STK32B: variants seen among roughly 807,000 people sequenced by gnomAD.
The protein encoded by STK32B is serine/threonine kinase 32B, also known as serine/threonine-protein kinase 32B.
A neutral mutation model predicts 52.6 loss-of-function variants in STK32B; 43 were observed. The observed-to-expected ratio is 0.82, with a 90% confidence interval of 0.64 to 1.05. The LOEUF is 1.05. Ranked by LOEUF, STK32B falls within the 50% of genes least tolerant of loss-of-function variation. STK32B has a pLI of 0.00. For missense variants in STK32B, 621 were observed against 534.6 expected, an observed-to-expected ratio of 1.16 and a Z score of -1.59; for synonymous variants, 238 against 204.3, an observed-to-expected ratio of 1.17 and a Z score of -1.41.
intron 3 of STK32B, among the ~76,000 whole-genome samples, chr4:5,183,608 G>C (rs1720520195): frequency 6.6e-6 from 1 of 152,186 alleles, no homozygotes; most frequent in African/African-American, 2.4e-5. Context: ...CCAGTGAGTG[G>C]AGCATTCAGA....
chr4:5,293,940 T>C (rs2108886961), intron 3 of STK32B, among the ~76,000 whole-genome samples: 1 of 152,326 alleles, frequency 6.6e-6, no homozygotes, highest in Non-Finnish European at 1.5e-5. Context: ...TTTAAGTCTT[T>C]AATCCATCTT....
chr4:5,230,501 T>G (rs1169743291), intron 3 of STK32B, among the ~76,000 whole-genome samples: 3 of 152,104 alleles, frequency 2.0e-5, no homozygotes, highest in Non-Finnish European at 4.4e-5. Context: ...CATTCCACTT[T>G]TACAAGACAT....
chr4:5,143,916 G>T (rs1716704502), intron 2 of STK32B, among the ~76,000 whole-genome samples: 1 of 152,144 alleles, frequency 6.6e-6, no homozygotes, highest in African/African-American at 2.4e-5. Context: ...CACCAGCCAG[G>T]ATGTTGTGAT....
intron 2 of STK32B, among the ~76,000 whole-genome samples, chr4:5,164,306 C>G (rs540693627): frequency 6.6e-6 from 1 of 152,166 alleles, no homozygotes; most frequent in East Asian, 1.9e-4. Context: ...CTTGTAGATT[C>G]ATCACTCCAA....
chr4:5,306,135 C>A (rs1057311450), intron 3 of STK32B, among the ~76,000 whole-genome samples: 26 of 152,178 alleles, frequency 1.7e-4, no homozygotes, highest in African/African-American at 2.6e-4. Context: ...TGTGGTCTAT[C>A]TTGGAGAATG....
intron 1 of STK32B, among the ~76,000 whole-genome samples, chr4:5,102,020 C>T (rs1219674349): frequency 6.6e-6 from 1 of 152,140 alleles, no homozygotes; most frequent in African/African-American, 2.4e-5. Flanking sequence ...TCACTTGTGT[C>T]CTGGCTCAAA....
At chr4:5,271,395 A>G (rs894037729) in intron 3 of STK32B, among the ~76,000 whole-genome samples, 6 of 152,182 alleles carry the variant, frequency 3.9e-5, no homozygotes, top group Non-Finnish European at 8.8e-5. Context: ...ATGAGTCTTA[A>G]GACTCAATAT....
intron 1 of STK32B, among the ~76,000 whole-genome samples, chr4:5,108,419 G>A (rs895376401): frequency 2.0e-5 from 3 of 152,118 alleles, no homozygotes; most frequent in African/African-American, 4.8e-5. Context: ...CTTGGTTGGC[G>A]CTGTTAAATA....
At chr4:5,103,371 C>A (rs552484684) in intron 1 of STK32B, among the ~76,000 whole-genome samples, 2 of 151,976 alleles carry the variant, frequency 1.3e-5, no homozygotes, top group Non-Finnish European at 2.9e-5. Context: ...GTTATATAAC[C>A]CAGAAGGATA....
rs2526316 is a variant in STK32B, at chr4:5,398,947, G to T, written c.472+703G>T. On this transcript the variant is annotated intron_variant, in intron 5 of 11. Transcript: ENST00000282908. This position sits in a 1 kb window ranked among gnomAD's most constrained non-coding sequence, Gnocchi z 4.9. ...TCTGGCCTTACCAGAATTACCTGGG[G>T]GACCTGGTAAAAATCAGAGGTCAGG... Among the ~76,000 whole-genome samples, 62,172 of 152,044 alleles carry T rather than the reference G, an allele frequency of 0.41. 14,907 individuals are homozygous for T. Among genetic ancestry groups the T allele is most frequent in the East Asian group, 0.57 (2,913 of 5,140 alleles).
chr4:5,304,162 C>A (rs1050957002), intron 3 of STK32B, among the ~76,000 whole-genome samples: 6 of 152,000 alleles, frequency 3.9e-5, no homozygotes, highest in African/African-American at 1.2e-4. Context: ...GCTATGCAGG[C>A]TCTTTTTTGA....
chr4:5,256,687 CT>C (rs1284097600), intron 3 of STK32B, among the ~76,000 whole-genome samples: 1 of 152,260 alleles, frequency 6.6e-6, no homozygotes, highest in Non-Finnish European at 1.5e-5. Flanking sequence ...TGCCTCCTGT[CT>C]GAGCCTGAGT....
Position 5,259,834 on chromosome 4 carries a change from G to C in STK32B, c.261-71386G>C, listed in dbSNP as rs541104182. 1.7e-3 allele frequency among the ~76,000 whole-genome samples: 261 copies of C among 152,192 alleles called. 2 individuals carry two copies. Among genetic ancestry groups the C allele is most frequent in the African/African-American group, 6.0e-3 (251 of 41,532 alleles). On this transcript the variant is annotated intron_variant, in intron 3 of 11. Transcript: ENST00000282908. ...AAATAATAAGGGGTATATTTAGGAG[G>C]GTCTCAGAACACAGAGTTTGGAGCT...
chr4:5,256,133 A>C (rs1055456616), intron 3 of STK32B, among the ~76,000 whole-genome samples: 2 of 152,112 alleles, frequency 1.3e-5, no homozygotes. Context: ...CTTCCCATCC[A>C]TGTTAGAGAT....
chr4:5,124,897 G>A (rs1204760080), intron 1 of STK32B, among the ~76,000 whole-genome samples: 1 of 152,172 alleles, frequency 6.6e-6, no homozygotes, highest in Non-Finnish European at 1.5e-5. Flanking sequence ...CCTGGGTTAT[G>A]TTCCATTACA....
intron 1 of STK32B, among the ~76,000 whole-genome samples, chr4:5,053,994 A>AATAAATAAATAAATACATAAAT (rs148849409): frequency 6.8e-6 from 1 of 147,936 alleles, no homozygotes; most frequent in South Asian, 2.2e-4. Flanking sequence ...TAAATAAATA[A>AATAAATAAATAAATACATAAAT]ATAAATAAAT....
rs139900650 is a variant in STK32B at position 5,092,464 on chromosome 4, G to A, written c.52+40549G>A. ...GGAGAATGGTGTGAACTCGGGAGGC[G>A]GAGCTTGCAGTGAGCCTCTGAGATT... On this transcript the variant is annotated intron_variant, in intron 1 of 11. Coordinates refer to ENST00000282908, the MANE Select transcript of STK32B (RefSeq NM_018401.3). Among the ~76,000 whole-genome samples, 212 of 151,916 alleles carry A rather than the reference G, an allele frequency of 1.4e-3. 1 individual carries two copies. The highest frequency in any genetic ancestry group is 4.7e-3 in the African/African-American group (194 of 41,366).
intron 1 of STK32B, among the ~76,000 whole-genome samples, chr4:5,114,145 C>G (rs1560158297): frequency 6.6e-6 from 1 of 151,704 alleles, no homozygotes; most frequent in South Asian, 2.1e-4. Flanking sequence ...CAACCACCCC[C>G]ATTCTCTCCA....
intron 3 of STK32B, among the ~76,000 whole-genome samples, chr4:5,298,287 C>T (rs1211713723): frequency 6.6e-6 from 1 of 152,208 alleles, no homozygotes; most frequent in Non-Finnish European, 1.5e-5. Context: ...AAAAGGCAGT[C>T]TGTTCCTTAG....
Sources: gnomAD v4.1 joint callset for allele counts (sites outside exome capture counted in the v4.1 genomes callset) on GRCh38, gnomAD v4.1.1 for gene constraint, Gnocchi (gnomAD v3.1) non-coding constraint, MANE v1.5 for transcripts, NCBI Gene and HGNC (gene_info 2026-07-23, HGNC 2026-07-21) for gene names.